The following RAPGEF2 variants were observed in gnomAD, a reference collection of about 807,000 sequenced individuals.
RAPGEF2 encodes the protein PDZ domain containing guanine nucleotide exchange factor (GEF) 1.
Under a neutral mutation model 186.7 loss-of-function variants are expected in RAPGEF2, and 54 were observed. The ratio of observed to expected loss-of-function variants is 0.29; its 90% CI spans 0.23 to 0.36. RAPGEF2 has a LOEUF of 0.36. Ranked by LOEUF, RAPGEF2 falls within the 10% of genes least tolerant of loss-of-function variation. The probability of loss-of-function intolerance (pLI) is 1.00; values close to 1 mark genes in which losing one functional copy is unlikely to be tolerated. For synonymous variants in RAPGEF2, 712 were observed against 705.9 expected, an observed-to-expected ratio of 1.01 and a Z score of -0.14; for missense variants, 1,532 against 2,045.0, an observed-to-expected ratio of 0.75 and a Z score of 4.84.
intron 7 of RAPGEF2, 62 bp from the exon 8 acceptor site, chr4:159,304,280 A>T (rs1180602136): frequency 5.6e-6 from 8 of 1,436,730 alleles, no homozygotes; most frequent in Admixed American, 2.1e-5. Flanking sequence ...TTTAATTTTA[A>T]AATGTCTTCT....
In RAPGEF2 at chr4:159,183,885, T is replaced by TC. The variant is rs536560285; in HGVS notation, c.70-2751dup. ...TAGGTATATCTCCTAATGCTATCCC[T>TC]CCCCCCTCCTCTCACCCCATGACAG... is the stretch of plus-strand genomic sequence containing the variant. On this transcript the variant is annotated intron_variant, in intron 1 of 29. Transcript: ENST00000691494. 3.5e-3 allele frequency among the ~76,000 whole-genome samples: 531 copies of TC among 152,116 alleles called. 4 individuals are homozygous for TC. Among genetic ancestry groups the TC allele is most frequent in the African/African-American group, 0.012 (506 of 41,482 alleles).
In RAPGEF2 at chr4:159,350,257, C is replaced by T. The variant is rs1304503383; in HGVS notation, c.3833C>T (p.Pro1278Leu). 1 of 1,594,304 alleles carries T rather than the reference C, an allele frequency of 6.3e-7. No homozygotes were observed. The highest frequency in any genetic ancestry group is 1.3e-5 in the African/African-American group (1 of 74,092). ...AATGCATCTTCGCAGCTTTCTTCTC[C>T]TCCTACTTCTCCACAGAGTTCTCCA... ...ISNASSQLSS[P>L]PTSPQSSPRK... The change falls in exon 26 of 30, where the codon CCT becomes CTT. Residue 1278 changes from proline (P) to leucine (L), a missense_variant. Pro to Leu is a moderately conservative substitution (Grantham distance 98). Coordinates refer to ENST00000691494, the MANE Select transcript of RAPGEF2 (RefSeq NM_001394067.2).
rs967993435 is a variant in RAPGEF2, at chr4:159,107,173, T to C, written c.69+2942T>C. 2.0e-5 allele frequency among the ~76,000 whole-genome samples: 3 copies of C among 152,268 alleles called. No homozygotes were observed. In the South Asian group the frequency reaches 6.2e-4, roughly 32 times the overall value. On this transcript the variant is annotated intron_variant, in intron 1 of 29. Coordinates refer to ENST00000691494, the MANE Select transcript of RAPGEF2 (RefSeq NM_001394067.2). ...TCTAAATAACAAACTTCCTTGAAAATAATGAGCCCTGAAAACATTCTACTG... is the reference window on the plus strand; with the variant it reads ...TCTAAATAACAAACTTCCTTGAAAACAATGAGCCCTGAAAACATTCTACTG...
At chr4:159,298,017 G>C (rs1762225885) in intron 7 of RAPGEF2, among the ~76,000 whole-genome samples, 1 of 152,204 alleles carries the variant, frequency 6.6e-6, no homozygotes, top group Admixed American at 6.5e-5. Context: ...CTGGTAAGAA[G>C]CTGGAAGAAT....
intron 11 of RAPGEF2, among the ~76,000 whole-genome samples, chr4:159,324,264 G>T (rs1561281761): frequency 6.6e-6 from 1 of 151,898 alleles, no homozygotes; most frequent in Non-Finnish European, 1.5e-5. Context: ...CTGACCTCAA[G>T]TGATCCCCCC....
chr4:159,125,058 G>T (rs979330181), intron 1 of RAPGEF2, among the ~76,000 whole-genome samples: 2 of 151,428 alleles, frequency 1.3e-5, no homozygotes, highest in African/African-American at 2.4e-5. Context: ...AGAAATAAAA[G>T]TTAGATGAGA....
chr4:159,260,021 A>G (rs914493760), intron 7 of RAPGEF2, among the ~76,000 whole-genome samples: 25 of 152,048 alleles, frequency 1.6e-4, no homozygotes, highest in African/African-American at 6.0e-4. Context: ...TTTTTGAGAC[A>G]GGGTCTCACT....
At chr4:159,292,801 T>C (rs1187704525) in intron 7 of RAPGEF2, among the ~76,000 whole-genome samples, 1 of 152,150 alleles carries the variant, frequency 6.6e-6, no homozygotes, top group Non-Finnish European at 1.5e-5. Context: ...AACCTTATAG[T>C]TTCATCATAG....
intron 1 of RAPGEF2, among the ~76,000 whole-genome samples, chr4:159,177,707 A>G (rs79741712): frequency 1.3e-5 from 2 of 152,228 alleles, no homozygotes; most frequent in Admixed American, 1.3e-4. Context: ...AATAAACATA[A>G]TGAAACTTGC....
At position 159,355,861 on chromosome 4, in the gene RAPGEF2, G is replaced by A; in HGVS notation, c.4660G>A (p.Glu1554Lys). 1.9e-6 allele frequency: 3 copies of A among 1,546,188 alleles called. No homozygotes were observed. Among genetic ancestry groups the A allele is most frequent in the Non-Finnish European group, 2.6e-6 (3 of 1,143,676 alleles). The change falls in exon 29 of 30, where the codon GAG becomes AAG. Residue 1554 changes from glutamate (E) to lysine (K), a missense_variant. Glu to Lys is a moderately conservative substitution (Grantham distance 56). Around this residue, in one of 4 missense-constraint regions of RAPGEF2, gnomAD observed 594 missense variants for 608.5 expected, o/e 0.98. Transcript: ENST00000691494. ...STTKGLIARKEGRYREPPPTP... is the reference protein window; with the variant it reads ...STTKGLIARKKGRYREPPPTP... ...CATTGTTTCTACTCTAGCACGAAAG[G>A]AGGGCAGGTATCGAGAGCCCCCGCC...
In RAPGEF2 at chr4:159,275,516, A is replaced by G. The variant is rs28625604; in HGVS notation, c.544-28826A>G. On this transcript the variant is annotated intron_variant, in intron 7 of 29. Coordinates refer to ENST00000691494, the MANE Select transcript of RAPGEF2 (RefSeq NM_001394067.2). ...GTATACATGTACTTATTTCATATGT[A>G]TGTGTATGTGTAAATATAATTAATC... 7.1e-3 allele frequency among the ~76,000 whole-genome samples: 1,076 copies of G among 152,290 alleles called. 13 individuals carry two copies. Among genetic ancestry groups the G allele is most frequent in the African/African-American group, 0.025 (1,021 of 41,566 alleles).
At chr4:159,253,680 T>A (rs1189588176) in intron 7 of RAPGEF2, among the ~76,000 whole-genome samples, 2 of 152,168 alleles carry the variant, frequency 1.3e-5, no homozygotes, top group Non-Finnish European at 2.9e-5. Flanking sequence ...TGAAAATGTT[T>A]TTCTGTGGCC....
intron 7 of RAPGEF2, among the ~76,000 whole-genome samples, chr4:159,255,482 G>C (rs929453893): frequency 3.3e-5 from 5 of 151,868 alleles, no homozygotes; most frequent in African/African-American, 1.2e-4. Flanking sequence ...ACTCATGACT[G>C]TGCTCTGACA....
At chr4:159,304,020 T>C (rs755324985) in intron 7 of RAPGEF2, among the ~76,000 whole-genome samples, 1 of 152,196 alleles carries the variant, frequency 6.6e-6, no homozygotes, top group Admixed American at 6.5e-5. Context: ...AATAGTACTG[T>C]AGCCTAATTT....
chr4:159,115,686 A>G (rs1221233141), intron 1 of RAPGEF2, among the ~76,000 whole-genome samples: 1 of 152,194 alleles, frequency 6.6e-6, no homozygotes, highest in Non-Finnish European at 1.5e-5. Flanking sequence ...TTCAAACTAT[A>G]CTACAAGGCT....
Position 159,182,386 on chromosome 4 carries a change from CTTTTTTTTTTTTT to C in RAPGEF2, c.70-4241_70-4229del, listed in dbSNP as rs575743979. Among the ~76,000 whole-genome samples, 9 of 85,674 alleles carry C rather than the reference CTTTTTTTTTTTTT, an allele frequency of 1.1e-4. No homozygotes were observed. The East Asian group carries it at 2.0e-3, about 19-fold the overall frequency. The allele number at this position is 85,674 out of a possible 152,430, so 56.2% of individuals were successfully genotyped here. A position where few individuals can be genotyped will look rare whatever the true frequency, so the allele number is the denominator to read the frequency against. On this transcript the variant is annotated intron_variant, in intron 1 of 29. Coordinates refer to ENST00000691494, the MANE Select transcript of RAPGEF2 (RefSeq NM_001394067.2). ...AAGCTTCCTAGTATTTTCTTTTCTT[CTTTTTTTTTTTTT>C]TTTTTTTTTTTTTTGATACAGAGTC...
chr4:159,277,851 A>G (rs555030866), intron 7 of RAPGEF2, among the ~76,000 whole-genome samples: 1 of 152,142 alleles, frequency 6.6e-6, no homozygotes, highest in Non-Finnish European at 1.5e-5. Flanking sequence ...ATAGATTGCA[A>G]AAATTTTCTC....
At position 159,354,030 on chromosome 4, in the gene RAPGEF2, T is replaced by C; in HGVS notation, c.4635T>C (p.Thr1545=). ...MPAHIAVASS[T]TKGLIARKEG... is the part of the protein sequence containing the mutation. ...CCCACATAGCTGTGGCATCAAGTACTACAAAGGGGCTCATTGGTAAGTTTT... is the reference window on the plus strand; with the variant it reads ...CCCACATAGCTGTGGCATCAAGTACCACAAAGGGGCTCATTGGTAAGTTTT... Residue 1545 remains threonine, a synonymous_variant, in exon 28 of 30, where the codon ACT becomes ACC. Transcript: ENST00000691494. The C allele has an allele frequency of 6.3e-7, 1 of 1,581,874 alleles. No homozygotes were observed. Among genetic ancestry groups the C allele is most frequent in the South Asian group, 1.2e-5 (1 of 85,740 alleles).
At chr4:159,243,113 GT>G (rs60305770) in intron 6 of RAPGEF2, among the ~76,000 whole-genome samples, 10,073 of 144,606 alleles carry the variant, frequency 0.07, 1,089 homozygotes, top group African/African-American at 0.23. Flanking sequence ...ATTGTTACAA[GT>G]TTTTTTTTTT....
Sources: gnomAD v4.1 joint callset for allele counts (sites outside exome capture counted in the v4.1 genomes callset) on GRCh38, gnomAD v4.1.1 for gene constraint, gnomAD v4.1.1 regional missense constraint, MANE v1.5 for transcripts, NCBI Gene and HGNC (gene_info 2026-07-23, HGNC 2026-07-21) for gene names.